Variants in NAV1 observed in about 807,000 individuals in gnomAD.
The protein encoded by NAV1 is neuron navigator 1, also known as pore membrane and/or filament interacting like protein 3.
NAV1 carries 18 observed loss-of-function variants against 175.2 expected under a neutral mutation model. The ratio of observed to expected loss-of-function variants is 0.10; its 90% confidence interval spans 0.07 to 0.15. The LOEUF is 0.15. Ranked by LOEUF, NAV1 falls within the 10% of genes least tolerant of loss-of-function variation. The pLI, the probability that NAV1 is intolerant of heterozygous loss-of-function variation, is 1.00. For synonymous variants in NAV1, 897 were observed against 978.7 expected (o/e 0.92, Z 1.56); for missense variants, 1,731 against 2,436.6 (o/e 0.71, Z 6.10).
chr1:201,730,946 G>T (rs945099393), intron 3 of NAV1, among the ~76,000 whole-genome samples: 40 of 152,158 alleles, frequency 2.6e-4, no homozygotes, highest in African/African-American at 8.9e-4. Flanking sequence ...AGGGTTGGGG[G>T]TCCAAAGATG....
intron 1 of NAV1, among the ~76,000 whole-genome samples, chr1:201,711,575 C>A (rs563535479): frequency 6.6e-6 from 1 of 152,192 alleles, no homozygotes; most frequent in Non-Finnish European, 1.5e-5. Context: ...TCTGCAGCAG[C>A]GGCAGAAGGC....
At chr1:201,693,802 A>G (rs992310683) in intron 1 of NAV1, among the ~76,000 whole-genome samples, 1 of 152,230 alleles carries the variant, frequency 6.6e-6, no homozygotes, top group African/African-American at 2.4e-5. Context: ...GATCAGGCCA[A>G]AAATGTCTGT....
chr1:201,660,210 G>T (rs1458025413), intron 1 of NAV1, among the ~76,000 whole-genome samples: 1 of 152,228 alleles, frequency 6.6e-6, no homozygotes, highest in Admixed American at 6.5e-5. Flanking sequence ...TGGGGGAGCA[G>T]GCAGGCCAGT....
intron 3 of NAV1, among the ~76,000 whole-genome samples, chr1:201,759,245 C>T (rs899509099): frequency 6.6e-6 from 1 of 152,132 alleles, no homozygotes; most frequent in African/African-American, 2.4e-5. Context: ...TTAAAGATGC[C>T]TTTTAATAGC....
chr1:201,669,292 A>G (rs1353815214), intron 1 of NAV1, among the ~76,000 whole-genome samples: 2 of 152,238 alleles, frequency 1.3e-5, no homozygotes, highest in Non-Finnish European at 2.9e-5. Flanking sequence ...AAAGATTTGG[A>G]TTAGAGAGGC....
At chr1:201,821,554 G>A (rs1473283743) in exon 30 of NAV1, 1 of 126,548 alleles carries the variant, frequency 7.9e-6, no homozygotes, top group Non-Finnish European at 1.6e-5. Context: ...ACACACACAA[G>A]ACCTGGGCCC....
intron 3 of NAV1, among the ~76,000 whole-genome samples, chr1:201,772,906 G>A (rs916083460): frequency 5.9e-5 from 9 of 152,086 alleles, no homozygotes; most frequent in African/African-American, 9.7e-5. Flanking sequence ...GGTGGCGGGT[G>A]CTTGTAGTCC....
chr1:201,615,094 G>A (rs558000402), intron 2 of NAV1, among the ~76,000 whole-genome samples: 18 of 152,292 alleles, frequency 1.2e-4, no homozygotes, highest in Admixed American at 9.2e-4. Context: ...ATGTTCAGGG[G>A]CAGGGACTGT....
intron 29 of NAV1, 28 bp downstream of exon 33, chr1:201,817,313 A>T (rs1218291214): frequency 6.2e-7 from 1 of 1,606,350 alleles, no homozygotes; most frequent in Admixed American, 1.7e-5. Flanking sequence ...TAGAGTAAAA[A>T]TAAGACTATT....
chr1:201,676,085 G>C (rs1558057729), intron 1 of NAV1, among the ~76,000 whole-genome samples: 1 of 152,088 alleles, frequency 6.6e-6, no homozygotes, highest in Non-Finnish European at 1.5e-5. Flanking sequence ...TATGCTGGCC[G>C]GTTCTGCTTC....
At chr1:201,712,897 C>A (rs1483311116) in exon 2 of NAV1, 1 of 1,613,366 alleles carries the variant, frequency 6.2e-7, no homozygotes, top group Non-Finnish European at 8.5e-7. Flanking sequence ...GTCCAGCCTG[C>A]GAGGGTCCCA....
At chr1:201,809,462 C>T (rs761891046) in exon 22 of NAV1, 1 of 1,614,068 alleles carries the variant, frequency 6.2e-7, no homozygotes, top group Non-Finnish European at 8.5e-7. Flanking sequence ...AGCAGGAATT[C>T]TTCCTGGGCT....
chr1:201,684,813 A>G (rs1165733864), intron 1 of NAV1, among the ~76,000 whole-genome samples: 1 of 149,232 alleles, frequency 6.7e-6, no homozygotes. Context: ...AATACAAAAA[A>G]TTAGCTGGGT....
At chr1:201,811,840 A>G (rs1415517807) in intron 25 of NAV1, 63 bp from the exon 30 acceptor site, 11 of 1,611,948 alleles carry the variant, frequency 6.8e-6, no homozygotes, top group Non-Finnish European at 9.3e-6. Flanking sequence ...AGTTGTGTGC[A>G]TGTGGCAGAA....
chr1:201,802,470 A>AG (rs1415605943), intron 15 of NAV1, among the ~76,000 whole-genome samples: 41 of 129,106 alleles, frequency 3.2e-4, no homozygotes, highest in Admixed American at 1.7e-3. Flanking sequence ...AAAAAAAAAA[A>AG]AAAAAAGAAA....
chr1:201,673,120 G>C (rs1487389557), intron 1 of NAV1: 2 of 152,224 alleles, frequency 1.3e-5, no homozygotes, highest in African/African-American at 4.8e-5. Flanking sequence ...GTTCTTTAAT[G>C]AATTTATTGT....
chr1:201,558,730 G>T (rs184897861), intron 1 of NAV1, among the ~76,000 whole-genome samples: 1 of 152,304 alleles, frequency 6.6e-6, no homozygotes, highest in South Asian at 2.1e-4. Context: ...GATTACAGGC[G>T]TGAGCCACCG....
exon 30 of NAV1, chr1:201,824,199 T>C (rs1679546150): frequency 6.6e-6 from 1 of 152,190 alleles, no homozygotes; most frequent in African/African-American, 2.4e-5. Context: ...TCCTTGGCAC[T>C]GACTAAGCTA....
intron 1 of NAV1, among the ~76,000 whole-genome samples, chr1:201,679,761 T>A (rs960403620): frequency 6.6e-6 from 1 of 152,348 alleles, no homozygotes. Context: ...TCCTGGCCAC[T>A]GCACTCTGCT....
Sources: allele counts gnomAD v4.1 joint callset (sites outside exome capture counted in the v4.1 genomes callset), GRCh38; gene constraint gnomAD v4.1.1; transcripts MANE v1.5; gene names NCBI Gene and HGNC (gene_info 2026-07-23, HGNC 2026-07-21).